COL26A1: variants seen among roughly 807,000 people sequenced by gnomAD.
The protein encoded by COL26A1 is collagen type XXVI alpha 1 chain.
Under a neutral mutation model 59.3 loss-of-function variants are expected in COL26A1, and 41 were observed. The ratio of observed to expected loss-of-function variants is 0.69; its 90% CI spans 0.54 to 0.90. The LOEUF (loss-of-function observed/expected upper bound fraction) is 0.90, where lower values mean the gene tolerates loss of function less well. Ranked by LOEUF, COL26A1 falls within the 40% of genes least tolerant of loss-of-function variation. COL26A1 has a pLI of 0.00. For synonymous variants in COL26A1, 266 were observed against 256.0 expected, an observed-to-expected ratio of 1.04 and a Z score of -0.37; for missense variants, 612 against 602.3, an observed-to-expected ratio of 1.02 and a Z score of -0.17.
intron 1 of COL26A1, among the ~76,000 whole-genome samples, chr7:101,395,776 C>A (rs145290336): frequency 6.6e-6 from 1 of 152,318 alleles, no homozygotes; most frequent in Non-Finnish European, 1.5e-5. Flanking sequence ...GGACATCTGC[C>A]TTTAATCACC....
intron 1 of COL26A1, among the ~76,000 whole-genome samples, chr7:101,404,488 C>T (rs1446383660): frequency 1.3e-5 from 2 of 152,180 alleles, no homozygotes; most frequent in Non-Finnish European, 2.9e-5. Flanking sequence ...AGTTTTCCAT[C>T]TACAAAGTAG....
At chr7:101,371,840 G>A (rs1419036102) in intron 1 of COL26A1, among the ~76,000 whole-genome samples, 4 of 152,098 alleles carry the variant, frequency 2.6e-5, no homozygotes, top group Non-Finnish European at 2.9e-5. Flanking sequence ...GATGAGCTCA[G>A]AGACTGGTTG....
At chr7:101,363,753 G>A (rs1027526853) in intron 1 of COL26A1, among the ~76,000 whole-genome samples, 1 of 152,092 alleles carries the variant, frequency 6.6e-6, no homozygotes, top group African/African-American at 2.4e-5. Context: ...CCGAGTAGAG[G>A]TGGTTCCGAC....
intron 3 of COL26A1, among the ~76,000 whole-genome samples, chr7:101,501,978 C>A (rs961313233): frequency 2.6e-5 from 4 of 152,166 alleles, no homozygotes; most frequent in African/African-American, 9.7e-5. Flanking sequence ...TCCGGATTCA[C>A]CAGACACCTC....
intron 3 of COL26A1, among the ~76,000 whole-genome samples, chr7:101,529,045 A>G (rs1187495556): frequency 6.6e-6 from 1 of 151,966 alleles, no homozygotes; most frequent in African/African-American, 2.4e-5. Flanking sequence ...ACGTGACTGT[A>G]GTCCCAGCTA....
At chr7:101,425,004 C>T (rs1357462098) in intron 2 of COL26A1, among the ~76,000 whole-genome samples, 2 of 152,004 alleles carry the variant, frequency 1.3e-5, no homozygotes, top group African/African-American at 4.8e-5. Flanking sequence ...CTCACTGCAG[C>T]CTTGAACTCC....
intron 2 of COL26A1, among the ~76,000 whole-genome samples, chr7:101,423,142 G>A (rs760347361): frequency 1.1e-4 from 17 of 152,068 alleles, no homozygotes; most frequent in African/African-American, 3.4e-4. Context: ...GTGAGCACCC[G>A]TAATCCCAGT....
In COL26A1 at chr7:101,374,369, C is replaced by T. The variant is rs78821132; in HGVS notation, c.158+11179C>T. Among the ~76,000 whole-genome samples the T allele has an allele frequency of 4.6e-5, 7 of 152,286 alleles. No individual in the cohort carries two copies. The East Asian group carries it at 1.2e-3, about 25-fold the overall frequency. ...GTGATCTATGTAAAGCAGGAGTCCCCAACCCTGAGGTCACAGACAAGTACC... is the reference window on the plus strand; with the variant it reads ...GTGATCTATGTAAAGCAGGAGTCCCTAACCCTGAGGTCACAGACAAGTACC... On this transcript the variant is annotated intron_variant, in intron 1 of 12. Transcript: ENST00000313669.
At position 101,417,601 on chromosome 7, in the gene COL26A1, G is replaced by A. The variant is rs1055647726; in HGVS notation, c.159-2376G>A. Reference sequence around the variant, plus strand: ...GTATCTCTACATATCTATAGATACAGGTATATCTATATATCTAGACATAGA... The same window carrying A: ...GTATCTCTACATATCTATAGATACAAGTATATCTATATATCTAGACATAGA... On this transcript the variant is annotated intron_variant, in intron 1 of 12. Coordinates refer to ENST00000313669, the MANE Select transcript of COL26A1 (RefSeq NM_001278563.3). 2.5e-4 allele frequency among the ~76,000 whole-genome samples: 36 copies of A among 145,532 alleles called. 1 individual carries two copies. The highest frequency in any genetic ancestry group is 8.7e-4 in the African/African-American group (34 of 39,248).
At chr7:101,442,329 CTTTTTT>C (rs35025332) in intron 2 of COL26A1, among the ~76,000 whole-genome samples, 1 of 139,352 alleles carries the variant, frequency 7.2e-6, no homozygotes, top group East Asian at 2.1e-4. Flanking sequence ...CTAGGTCTTT[CTTTTTT>C]TTTTTTTTTG....
At chr7:101,493,499 T>C (rs1794512572) in intron 3 of COL26A1, among the ~76,000 whole-genome samples, 1 of 152,146 alleles carries the variant, frequency 6.6e-6, no homozygotes. Context: ...GGCTCTTCGC[T>C]TGTGGACCTC....
chr7:101,454,464 G>C (rs886409141), intron 3 of COL26A1, among the ~76,000 whole-genome samples: 1 of 151,870 alleles, frequency 6.6e-6, no homozygotes, highest in African/African-American at 2.4e-5. Flanking sequence ...TCACTATGTT[G>C]GTCAGGTTGG....
chr7:101,416,491 T>C (rs1327774328), intron 1 of COL26A1, among the ~76,000 whole-genome samples: 1 of 143,852 alleles, frequency 7.0e-6, no homozygotes, highest in Non-Finnish European at 1.6e-5. Flanking sequence ...TTCAAGTACA[T>C]GCTTCTCTTT....
chr7:101,465,750 G>T (rs1793744887), intron 3 of COL26A1, among the ~76,000 whole-genome samples: 1 of 151,756 alleles, frequency 6.6e-6, no homozygotes, highest in Non-Finnish European at 1.5e-5. Flanking sequence ...TCTCGGCCTG[G>T]CGTGGCAGTG....
chr7:101,540,128 A>G, intron 5 of COL26A1, 79 bp downstream of exon 5: 1 of 1,432,742 alleles, frequency 7.0e-7, no homozygotes, highest in Non-Finnish European at 9.4e-7. Flanking sequence ...CTCCCTAGAG[A>G]GGCCACACAC....
intron 3 of COL26A1, among the ~76,000 whole-genome samples, chr7:101,500,924 C>T (rs1003544897): frequency 1.3e-5 from 2 of 151,924 alleles, no homozygotes. Context: ...TGGCTCACGC[C>T]TGTAATCCCA....
At chr7:101,557,059 G>A (rs1795995677) in intron 12 of COL26A1, among the ~76,000 whole-genome samples, 1 of 151,816 alleles carries the variant, frequency 6.6e-6, no homozygotes, top group Admixed American at 6.6e-5. Flanking sequence ...GCAGGTAAAT[G>A]AGTGAATGAA....
At position 101,547,048 on chromosome 7, in the gene COL26A1, C is replaced by A. The variant is rs1016873094; in HGVS notation, c.857-108C>A. 3.0e-5 allele frequency: 21 copies of A among 691,452 alleles called. No individual in the cohort carries two copies. The Admixed American group carries it at 5.8e-4, about 19-fold the overall frequency. The allele number at this position is 691,452 out of a possible 1,614,324, so 42.8% of individuals were successfully genotyped here. A position where few individuals can be genotyped will look rare whatever the true frequency, so the allele number is the denominator to read the frequency against. ...CGGGCCCCAGGGTGATGGGAGGAGC[C>A]CCCCTGGGCTTCGTGTGGCCTGGCT... On this transcript the variant is annotated intron_variant, in intron 7 of 12. Coordinates refer to ENST00000313669, the MANE Select transcript of COL26A1 (RefSeq NM_001278563.3).
chr7:101,512,445 C>T (rs926135174), intron 3 of COL26A1, among the ~76,000 whole-genome samples: 5 of 140,694 alleles, frequency 3.6e-5, no homozygotes, highest in African/African-American at 1.3e-4. Context: ...ATACTGAGAG[C>T]CCTGTCTCTA....
Sources: gnomAD v4.1 joint callset for allele counts (sites outside exome capture counted in the v4.1 genomes callset) on GRCh38, gnomAD v4.1.1 for gene constraint, MANE v1.5 for transcripts, NCBI Gene and HGNC (gene_info 2026-07-23, HGNC 2026-07-21) for gene names.